LIPF: variants seen among roughly 807,000 people sequenced by gnomAD.
LIPF encodes gastric triacylglycerol lipase.
In LIPF, 25 loss-of-function variants were observed where a neutral mutation model predicts 38.0. That is an observed-to-expected ratio of 0.66 (90% CI 0.48 to 0.92). LIPF has a LOEUF of 0.92. Among genes scored for constraint, LIPF ranks in the 40% least tolerant of loss-of-function variants. The pLI, the probability that LIPF is intolerant of heterozygous loss-of-function variation, is 0.00. For synonymous variants in LIPF, 161 were observed against 156.2 expected, an observed-to-expected ratio of 1.03 and a Z score of -0.23; for missense variants, 410 against 469.9, an observed-to-expected ratio of 0.87 and a Z score of 1.18.
Position 88,667,571 on chromosome 10 carries a change from T to A in LIPF, c.108T>A (p.Ser36Arg), listed in dbSNP as rs1564956902. Reference protein sequence around the residue: ...PGSPEVTMNISQMITYWGYPN... With the variant: ...PGSPEVTMNIRQMITYWGYPN... ...AACTTTTGGGTTTGCTTCCTCAGAG[T>A]CAGATGATTACTTATTGGGGATACC... The change falls in exon 3 of 10, where the codon AGT becomes AGA. Residue 36 changes from serine (S) to arginine (R), a missense_variant and splice_region_variant. Coordinates refer to ENST00000238983, the MANE Select transcript of LIPF (RefSeq NM_004190.4). 6.5e-7 allele frequency: 1 copy of A among 1,538,762 alleles called. No homozygotes were observed.
chr10:88,672,662 ACACACACACTCT>A (rs1173172410), intron 6 of LIPF, among the ~76,000 whole-genome samples: 73 of 126,116 alleles, frequency 5.8e-4, no homozygotes, highest in African/African-American at 2.3e-3. Context: ...ACACACACAC[ACACACACACTCT>A]CTCTCTCTCT....
chr10:88,673,889 T>G (rs1841643801), intron 7 of LIPF, among the ~76,000 whole-genome samples, 155 bp downstream of exon 7: 1 of 152,114 alleles, frequency 6.6e-6, no homozygotes, highest in African/African-American at 2.4e-5. Context: ...TGCTCCCAAT[T>G]TAATCACTTC....
chr10:88,673,466 A>G, intron 6 of LIPF, 122 bp from the exon 7 acceptor site: 1 of 804,740 alleles, frequency 1.2e-6, no homozygotes, highest in Non-Finnish European at 2.0e-6. Context: ...TCCTAAAACA[A>G]CATGTAAGAA....
chr10:88,673,325 T>C (rs1841632823), intron 6 of LIPF, among the ~76,000 whole-genome samples: 1 of 152,212 alleles, frequency 6.6e-6, no homozygotes, highest in Admixed American at 6.5e-5. Flanking sequence ...AGATTGTAAC[T>C]CTTTGTGTCT....
intron 7 of LIPF, among the ~76,000 whole-genome samples, chr10:88,674,887 ACAGAGAGTAGCCTGTCCT>A (rs1264964047): frequency 6.6e-6 from 1 of 152,216 alleles, no homozygotes; most frequent in African/African-American, 2.4e-5. Context: ...GTGGAGTTTA[ACAGAGAGTAGCCTGTCCT>A]CATCACACGA....
At chr10:88,664,872 T>C (rs1841488485) in intron 1 of LIPF, among the ~76,000 whole-genome samples, 1 of 152,246 alleles carries the variant, frequency 6.6e-6, no homozygotes, top group South Asian at 2.1e-4. Flanking sequence ...TGTATTAATA[T>C]GCTATGTTTA....
intron 1 of LIPF, chr10:88,665,552 C>T (rs916078309): frequency 9.8e-6 from 15 of 1,535,042 alleles, no homozygotes; most frequent in South Asian, 4.8e-5. Context: ...TGTTCTCCAA[C>T]GCAAACAGTA....
In LIPF at chr10:88,668,576, T is replaced by G. The variant is rs972918693; in HGVS notation, c.242T>G (p.Phe81Cys). 6.2e-7 allele frequency: 1 copy of G among 1,614,052 alleles called. No individual in the cohort carries two copies. The highest frequency in any genetic ancestry group is 1.3e-5 in the African/African-American group (1 of 74,944). The change falls in exon 4 of 10, where the codon TTT becomes TGT. Residue 81 changes from phenylalanine (F) to cysteine (C), a missense_variant. Coordinates refer to ENST00000238983, the MANE Select transcript of LIPF (RefSeq NM_004190.4). ...TCCTTAGGCCAGAGACCTGTTGTGT[T>G]TTTGCAGCATGGTTTGCTTGCATCA... ...SGNTGQRPVV[F>C]LQHGLLASAT... is the part of the protein sequence containing the mutation.
intron 1 of LIPF, chr10:88,665,475 C>T (rs1054914088): frequency 1.5e-6 from 2 of 1,318,398 alleles, no homozygotes; most frequent in Non-Finnish European, 2.1e-6. Flanking sequence ...TGGTATTTTC[C>T]TAGGACTTGG....
chr10:88,672,005 G>A (rs764275085), intron 6 of LIPF, 40 bp downstream of exon 6: 4 of 1,540,640 alleles, frequency 2.6e-6, no homozygotes, highest in Non-Finnish European at 3.5e-6. Context: ...TAAGACCCTT[G>A]ATTGCCCATG....
intron 6 of LIPF, among the ~76,000 whole-genome samples, chr10:88,672,573 A>C (rs537590485): frequency 2.4e-4 from 37 of 151,514 alleles, no homozygotes; most frequent in South Asian, 8.4e-4. Context: ...TATGGAATTA[A>C]TCGTTTTGTT....
chr10:88,670,742 G>T (rs914146152), intron 5 of LIPF, among the ~76,000 whole-genome samples: 10 of 152,162 alleles, frequency 6.6e-5, no homozygotes, highest in African/African-American at 2.2e-4. Flanking sequence ...TTTGGCTGTT[G>T]TAGGGATTTT....
chr10:88,675,519 T>C (rs992689764), intron 7 of LIPF, 67 bp from the exon 8 acceptor site: 9 of 1,169,146 alleles, frequency 7.7e-6, no homozygotes, highest in Non-Finnish European at 1.1e-5. Context: ...CATAAATCTT[T>C]ACTGTTTTTA....
intron 7 of LIPF, 175 bp from the exon 8 acceptor site, chr10:88,675,411 T>A (rs961685836): frequency 1.1e-5 from 6 of 555,040 alleles, no homozygotes; most frequent in Admixed American, 7.0e-5. Flanking sequence ...GGTTAACACA[T>A]GCAATTGCAC....
Position 88,673,623 on chromosome 10 carries a change from C to T in LIPF, c.705C>T (p.Asn235=), listed in dbSNP as rs1841638108. 6.2e-7 allele frequency: 1 copy of T among 1,611,916 alleles called. No individual in the cohort carries two copies. The highest frequency in any genetic ancestry group is 1.1e-5 in the South Asian group (1 of 90,860). ...GTGACAAAATATTCTACCCACACAA[C>T]TTCTTTGATCAATTTCTTGCTACTG... is the stretch of plus-strand genomic sequence containing the variant. ...IFGDKIFYPH[N]FFDQFLATEV... Residue 235 remains asparagine (N), a synonymous_variant, in exon 7 of 10, where the codon AAC becomes AAT. Coordinates refer to ENST00000238983, the MANE Select transcript of LIPF (RefSeq NM_004190.4).
intron 6 of LIPF, among the ~76,000 whole-genome samples, chr10:88,672,670 A>ACACACACACTCTCT (rs869259093): frequency 5.7e-4 from 63 of 110,552 alleles, no homozygotes; most frequent in African/African-American, 2.0e-3. Flanking sequence ...ACACACACAC[A>ACACACACACTCTCT]CTCTCTCTCT....
In LIPF at chr10:88,673,522, A is replaced by G; in HGVS notation, c.670-66A>G. The G allele has an allele frequency of 4.1e-6, 5 of 1,230,656 alleles. No homozygotes were observed. In the South Asian group the frequency reaches 7.0e-5, roughly 17 times the overall value. The allele number at this position is 1,230,656 out of a possible 1,614,324, so 76.2% of individuals were successfully genotyped here. ...CATCACACATGTATAAGTAGATTAG[A>G]TAAACTAGTGAGTCTTTTCTGCAGC... On this transcript the variant is annotated intron_variant, in intron 6 of 9. Coordinates refer to ENST00000238983, the MANE Select transcript of LIPF (RefSeq NM_004190.4).
chr10:88,665,411 C>T, intron 1 of LIPF: 1 of 688,192 alleles, frequency 1.5e-6, no homozygotes, highest in Non-Finnish European at 2.6e-6. Flanking sequence ...TTCACGTATA[C>T]CATGTTGAAC....
rs1441057429 is a variant in LIPF, at chr10:88,672,355, A to C, written c.669+390A>C. On this transcript the variant is annotated intron_variant, in intron 6 of 9. Transcript: ENST00000238983. ...CCCACTTGGGCCAGAGAGACTGGAA[A>C]GAGGAGGGAAAGGAAGGGGAGGGAA... Among the ~76,000 whole-genome samples, 4 of 152,190 alleles carry C rather than the reference A, an allele frequency of 2.6e-5. No individual in the cohort carries two copies. In the East Asian group the frequency reaches 7.7e-4, roughly 29 times the overall value.
Sources: allele counts gnomAD v4.1 joint callset (sites outside exome capture counted in the v4.1 genomes callset), GRCh38; gene constraint gnomAD v4.1.1; transcripts MANE v1.5; gene names NCBI Gene and HGNC (gene_info 2026-07-23, HGNC 2026-07-21).